The following ZNF573 variants were observed in gnomAD, a reference collection of about 807,000 sequenced individuals.
The protein encoded by ZNF573 is zinc finger protein 573.
Under a neutral mutation model 57.4 loss-of-function variants are expected in ZNF573, and 41 were observed. That is an observed-to-expected ratio of 0.71 (90% CI 0.56 to 0.93). ZNF573 has a LOEUF of 0.93. Among genes scored for constraint, ZNF573 ranks in the 40% least tolerant of loss-of-function variants. The probability of loss-of-function intolerance (pLI) is 0.00; values close to 1 mark genes in which losing one functional copy is unlikely to be tolerated. For synonymous variants in ZNF573, 249 were observed against 261.0 expected, an observed-to-expected ratio of 0.95 and a Z score of 0.44; for missense variants, 730 against 794.8, an observed-to-expected ratio of 0.92 and a Z score of 0.98.
Position 37,744,055 on chromosome 19 carries a change from G to A in ZNF573, c.296-3861C>T, listed in dbSNP as rs887718002. Among the ~76,000 whole-genome samples the A allele has an allele frequency of 4.0e-5, 6 of 151,274 alleles. No homozygotes were observed. In the East Asian group the frequency reaches 5.8e-4, roughly 15 times the overall value. On this transcript the variant is annotated intron_variant, in intron 4 of 4. Transcript: ENST00000536220. ...GATGCAGCAAACCACCACGGCACAC[G>A]TATACCTATGTAACAAACCTGCATG...
intron 4 of ZNF573, among the ~76,000 whole-genome samples, chr19:37,747,858 T>C (rs1427031318): frequency 6.6e-6 from 1 of 152,118 alleles, no homozygotes; most frequent in Non-Finnish European, 1.5e-5. Flanking sequence ...GGCTATTTTT[T>C]TGTATTTTTA....
At chr19:37,745,234 T>G (rs1011563975) in intron 4 of ZNF573, among the ~76,000 whole-genome samples, 2 of 151,998 alleles carry the variant, frequency 1.3e-5, no homozygotes, top group African/African-American at 4.8e-5. Flanking sequence ...ACCACTATGC[T>G]TGGCTAATTT....
Position 37,738,775 on chromosome 19 carries a change from T to C in ZNF573, c.1715A>G (p.His572Arg), listed in dbSNP as rs1273463667. 3 of 1,614,144 alleles carry C rather than the reference T, an allele frequency of 1.9e-6. No individual in the cohort carries two copies. In the Admixed American group the frequency reaches 5.0e-5, roughly 27 times the overall value. ...TTTTTTATCAGCATGAATGCTCTGA[T>C]GTGCAGTAAGGTGTGAACTACGTCT... ...TFRRSSHLTA[H>R]QSIHADKKPY... The change falls in exon 5 of 5, where the codon CAT becomes CGT. Residue 572 changes from histidine to arginine, a missense_variant. By Grantham distance (29) the His-to-Arg change is conservative. Coordinates refer to ENST00000536220, the MANE Select transcript of ZNF573 (RefSeq NM_001172690.2).
At chr19:37,779,111 C>CA (rs1421000668) in intron 1 of ZNF573, among the ~76,000 whole-genome samples, 3 of 152,030 alleles carry the variant, frequency 2.0e-5, no homozygotes, top group African/African-American at 7.3e-5. Flanking sequence ...CGGGAACCTA[C>CA]AGCCAAGACT....
chr19:37,771,690 C>T lies in ZNF573; in HGVS notation c.76G>A (p.Glu26Lys), dbSNP rs770049890. 1 of 1,591,800 alleles carries T rather than the reference C, an allele frequency of 6.3e-7. No individual in the cohort carries two copies. Among genetic ancestry groups the T allele is most frequent in the Non-Finnish European group, 8.5e-7 (1 of 1,173,762 alleles). The change falls in exon 3 of 5, where the codon GAA (glutamate) becomes AAA (lysine). Residue 26 changes from glutamate (E) to lysine (K), a missense_variant. Coordinates refer to ENST00000536220, the MANE Select transcript of ZNF573 (RefSeq NM_001172690.2). ...YNSKTMTCFQ[E>K]LVTFRDVAID... The stretch of plus-strand genomic sequence containing the variant: ...GCCACATCCCTGAATGTCACTAATT[C>T]CTGAAACTGCAAACCCATGCATTAC...
chr19:37,742,221 A>G (rs1250911611), intron 4 of ZNF573, among the ~76,000 whole-genome samples: 1 of 152,260 alleles, frequency 6.6e-6, no homozygotes, highest in Non-Finnish European at 1.5e-5. Context: ...GGATAGGAAG[A>G]ATCAATATCA....
intron 4 of ZNF573, among the ~76,000 whole-genome samples, chr19:37,748,993 A>G (rs1418201228): frequency 6.6e-6 from 1 of 151,964 alleles, no homozygotes; most frequent in Non-Finnish European, 1.5e-5. Context: ...TGGATCCTGG[A>G]AACATTTTAT....
chr19:37,760,472 T>C (rs1440468272), intron 4 of ZNF573, among the ~76,000 whole-genome samples: 1 of 152,116 alleles, frequency 6.6e-6, no homozygotes, highest in Non-Finnish European at 1.5e-5. Flanking sequence ...TGAGTCCATA[T>C]TGATATAAAT....
At chr19:37,767,432 G>A (rs1018413171) in intron 4 of ZNF573, among the ~76,000 whole-genome samples, 6 of 151,772 alleles carry the variant, frequency 4.0e-5, no homozygotes, top group South Asian at 2.1e-4. Flanking sequence ...ACGGGGTTTC[G>A]CCGTTTTAGC....
intron 4 of ZNF573, among the ~76,000 whole-genome samples, chr19:37,768,596 C>T (rs2045622754): frequency 6.6e-6 from 1 of 152,228 alleles, no homozygotes; most frequent in East Asian, 1.9e-4. Flanking sequence ...ATGGCCTAAC[C>T]TCTGCTTACT....
intron 4 of ZNF573, chr19:37,740,653 A>T (rs776617427): frequency 2.2e-6 from 1 of 452,966 alleles, no homozygotes; most frequent in Non-Finnish European, 4.4e-6. Flanking sequence ...AGGAGGTCTC[A>T]TGTCAAAACA....
intron 4 of ZNF573, among the ~76,000 whole-genome samples, chr19:37,765,340 A>G (rs1323684233): frequency 1.3e-5 from 2 of 152,232 alleles, no homozygotes; most frequent in Non-Finnish European, 2.9e-5. Flanking sequence ...ATGGCTGACT[A>G]AAGGCTTGGT....
chr19:37,743,939 G>A (rs2045352218), intron 4 of ZNF573, among the ~76,000 whole-genome samples: 1 of 152,146 alleles, frequency 6.6e-6, no homozygotes, highest in East Asian at 1.9e-4. Flanking sequence ...GTTGAACAAT[G>A]AGAACTCATG....
At chr19:37,762,690 T>C (rs1054117580) in intron 4 of ZNF573, among the ~76,000 whole-genome samples, 13 of 152,068 alleles carry the variant, frequency 8.5e-5, no homozygotes, top group African/African-American at 3.1e-4. Context: ...CATTTCTTTT[T>C]AAAAGAGCAT....
At chr19:37,764,895 GCCCGGC>G (rs957198632) in intron 4 of ZNF573, among the ~76,000 whole-genome samples, 17 of 144,956 alleles carry the variant, frequency 1.2e-4, no homozygotes, top group Admixed American at 9.3e-4. Flanking sequence ...GAGCCACTGT[GCCCGGC>G]CTTTTTTTTT....
chr19:37,766,003 G>A (rs896865261), intron 4 of ZNF573, among the ~76,000 whole-genome samples: 5 of 151,794 alleles, frequency 3.3e-5, no homozygotes, highest in African/African-American at 1.2e-4. Context: ...TCACACCATT[G>A]CATTTCAGCC....
chr19:37,777,075 T>C (rs911381985), intron 1 of ZNF573, among the ~76,000 whole-genome samples: 13 of 152,322 alleles, frequency 8.5e-5, no homozygotes, highest in African/African-American at 2.4e-4. Context: ...ACAAACAGTA[T>C]GAAGATTCCT....
chr19:37,744,050 C>T (rs1269478989), intron 4 of ZNF573, among the ~76,000 whole-genome samples: 2 of 150,806 alleles, frequency 1.3e-5, no homozygotes, highest in South Asian at 2.1e-4. Flanking sequence ...ACCACCACGG[C>T]ACACGTATAC....
In ZNF573 at chr19:37,770,267, C is replaced by T. The variant is rs1168915028; in HGVS notation, c.203-170G>A. The T allele has an allele frequency of 2.7e-5, 15 of 555,980 alleles. No homozygotes were observed. The East Asian group carries it at 3.8e-4, about 14-fold the overall frequency. 34.4% of individuals were successfully genotyped at this position (555,980 alleles called of 1,614,324 possible). A position where few individuals can be genotyped will look rare whatever the true frequency, so the allele number is the denominator to read the frequency against. On this transcript the variant is annotated intron_variant, in intron 3 of 4. Transcript: ENST00000536220. ...AACCTTATTTTAATGTAAACTCATACACGCGTGGTCTCTTAGGAGAAAGTT... is the reference window on the plus strand; with the variant it reads ...AACCTTATTTTAATGTAAACTCATATACGCGTGGTCTCTTAGGAGAAAGTT...
Sources: allele counts gnomAD v4.1 joint callset (sites outside exome capture counted in the v4.1 genomes callset), GRCh38; gene constraint gnomAD v4.1.1; transcripts MANE v1.5; gene names NCBI Gene and HGNC (gene_info 2026-07-23, HGNC 2026-07-21).